C12orf42: variants seen among roughly 807,000 people sequenced by gnomAD.
C12orf42 encodes uncharacterized protein C12orf42.
Under a neutral mutation model 21.6 loss-of-function variants are expected in C12orf42, and 25 were observed. That is an observed-to-expected ratio of 1.16 (90% CI 0.84 to 1.62). The LOEUF is 1.62. C12orf42 is among the 40% of genes most tolerant of loss of function. The probability of loss-of-function intolerance (pLI) is 0.00; values close to 1 mark genes in which losing one functional copy is unlikely to be tolerated. For missense variants in C12orf42, 483 were observed against 459.3 expected (o/e 1.05, Z -0.47); for synonymous variants, 174 against 175.0 (o/e 0.99, Z 0.05).
chr12:103,258,895 G>A (rs113552191), intron 10 of C12orf42, among the ~76,000 whole-genome samples: 68 of 152,166 alleles, frequency 4.5e-4, no homozygotes, highest in African/African-American at 1.4e-3. Context: ...ATCAGTCCTC[G>A]TCAAATTTAT....
the C12orf42 span, among the ~76,000 whole-genome samples, chr12:103,087,635 TGTGCTAA>T: frequency 2.9e-3 from 448 of 152,374 alleles, no homozygotes; most frequent in Non-Finnish European, 4.2e-3. Flanking sequence ...CAGGTGGCAT[TGTGCTAA>T]GTGCTATACG....
At chr12:103,337,727 T>G (rs2041822534) in intron 4 of C12orf42, among the ~76,000 whole-genome samples, 1 of 152,190 alleles carries the variant, frequency 6.6e-6, no homozygotes, top group African/African-American at 2.4e-5. Flanking sequence ...CATCCTTGTA[T>G]GGTAGCCACG....
chr12:103,099,214 A>G, the C12orf42 span, among the ~76,000 whole-genome samples: 1 of 152,234 alleles, frequency 6.6e-6, no homozygotes, highest in Non-Finnish European at 1.5e-5. Context: ...ATAGCTGATC[A>G]TATTTTGTTG....
chr12:103,262,286 A>G (rs991660331), intron 10 of C12orf42: 18 of 152,228 alleles, frequency 1.2e-4, no homozygotes, highest in African/African-American at 2.4e-5. Context: ...CTGGCTTTTA[A>G]TCAAAATGTC....
At chr12:103,152,705 A>G in the C12orf42 span, among the ~76,000 whole-genome samples, 1 of 152,260 alleles carries the variant, frequency 6.6e-6, no homozygotes, top group South Asian at 2.1e-4. Flanking sequence ...TAGTAATCAT[A>G]TTTTGTGGCT....
intron 10 of C12orf42, among the ~76,000 whole-genome samples, chr12:103,260,242 C>A (rs997699932): frequency 3.9e-5 from 6 of 152,012 alleles, no homozygotes; most frequent in Non-Finnish European, 8.8e-5. Flanking sequence ...TAAAAAACAA[C>A]AAATTTGAAA....
At chr12:103,100,593 T>C in the C12orf42 span, among the ~76,000 whole-genome samples, 2 of 152,190 alleles carry the variant, frequency 1.3e-5, no homozygotes, top group Non-Finnish European at 2.9e-5. Context: ...TGCCTTCCCC[T>C]GTTGCTATTG....
At chr12:103,134,184 GAC>G in the C12orf42 span, among the ~76,000 whole-genome samples, 111 of 152,196 alleles carry the variant, frequency 7.3e-4, no homozygotes, top group Admixed American at 6.7e-3. Flanking sequence ...TCAGTGTAAG[GAC>G]ACAAAAAACT....
chr12:103,277,786 A>G (rs989689961), intron 4 of C12orf42, among the ~76,000 whole-genome samples: 1 of 151,896 alleles, frequency 6.6e-6, no homozygotes, highest in Admixed American at 6.6e-5. Context: ...CGCCCGGCTA[A>G]TTTTTTGTAT....
the C12orf42 span, among the ~76,000 whole-genome samples, chr12:103,106,792 A>C: frequency 6.6e-6 from 1 of 152,044 alleles, no homozygotes; most frequent in Non-Finnish European, 1.5e-5. Flanking sequence ...TATGTTCATC[A>C]ATAATCACAA....
At chr12:103,466,130 G>T (rs1017789207) in intron 2 of C12orf42, among the ~76,000 whole-genome samples, 2 of 152,128 alleles carry the variant, frequency 1.3e-5, no homozygotes, top group Non-Finnish European at 2.9e-5. Context: ...ACTTAGGGAG[G>T]TGTCACTCCT....
At chr12:103,545,920 A>G in the C12orf42 span, among the ~76,000 whole-genome samples, 2 of 152,290 alleles carry the variant, frequency 1.3e-5, no homozygotes, top group East Asian at 1.9e-4. Flanking sequence ...GAACTTCACT[A>G]TGGCTCAGAC....
intron 4 of C12orf42, among the ~76,000 whole-genome samples, chr12:103,320,448 T>G: frequency 6.6e-6 from 1 of 152,198 alleles, no homozygotes; most frequent in South Asian, 2.1e-4. Context: ...ATCAGTAAGA[T>G]TTAGACTGTT....
intron 2 of C12orf42, among the ~76,000 whole-genome samples, chr12:103,462,844 A>C (rs920052712): frequency 5.9e-5 from 9 of 152,194 alleles, no homozygotes; most frequent in African/African-American, 2.2e-4. Context: ...TAATGCATTC[A>C]CATCTTTTGT....
chr12:103,217,525 T>TG, the C12orf42 span, among the ~76,000 whole-genome samples: 14 of 141,908 alleles, frequency 9.9e-5, no homozygotes, highest in Admixed American at 4.1e-4. Context: ...AGTGAGACCC[T>TG]GTCTCAAAAA....
intron 4 of C12orf42, among the ~76,000 whole-genome samples, chr12:103,347,084 T>C (rs541697833): frequency 7.2e-4 from 109 of 152,274 alleles, no homozygotes; most frequent in African/African-American, 2.6e-3. Context: ...ATACTTTAAG[T>C]TCTGGGTTAC....
intron 2 of C12orf42, among the ~76,000 whole-genome samples, chr12:103,444,744 A>G (rs192037571): frequency 1.0e-3 from 159 of 152,206 alleles, no homozygotes; most frequent in Non-Finnish European, 1.7e-3. Context: ...CTTCTTCTTT[A>G]TAAGTTTTTG....
the C12orf42 span, among the ~76,000 whole-genome samples, chr12:103,543,880 G>GTT: frequency 5.9e-5 from 6 of 101,568 alleles, no homozygotes; most frequent in African/African-American, 4.3e-5. Flanking sequence ...TGGTTTTTGG[G>GTT]TTTTTTTTTT....
At chr12:103,441,987 T>A (rs939621101) in intron 2 of C12orf42, among the ~76,000 whole-genome samples, 3 of 151,828 alleles carry the variant, frequency 2.0e-5, no homozygotes, top group African/African-American at 7.3e-5. Context: ...TACAAAAAAA[T>A]TTAAAAATTA....
Sources: gnomAD v4.1 joint callset for allele counts (sites outside exome capture counted in the v4.1 genomes callset) on GRCh38, gnomAD v4.1.1 for gene constraint, MANE v1.5 for transcripts, NCBI Gene and HGNC (gene_info 2026-07-23, HGNC 2026-07-21) for gene names.